The following PLCG2 variants were observed in gnomAD, a reference collection of about 807,000 sequenced individuals.
The protein encoded by PLCG2 is phospholipase C gamma 2, also known as 1-phosphatidylinositol 4,5-bisphosphate phosphodiesterase gamma-2.
PLCG2 carries 69 observed loss-of-function variants against 175.6 expected under a neutral mutation model. That is an observed-to-expected ratio of 0.39 (90% CI 0.32 to 0.48). The LOEUF is 0.48. PLCG2 is among the 20% of genes least tolerant of loss of function. The pLI is 0.91. For synonymous variants in PLCG2, 827 were observed against 624.0 expected, an observed-to-expected ratio of 1.33 and a Z score of -4.85; for missense variants, 1,798 against 1,650.9, an observed-to-expected ratio of 1.09 and a Z score of -1.54.
chr16:81,743,607 A>G (rs912884160), intron 1 of PLCG2, among the ~76,000 whole-genome samples: 1 of 152,176 alleles, frequency 6.6e-6, no homozygotes, highest in African/African-American at 2.4e-5. Context: ...AACCAGACTT[A>G]GGGCTTTTAT....
chr16:81,849,227 A>G (rs1270211090), intron 2 of PLCG2, among the ~76,000 whole-genome samples: 1 of 152,152 alleles, frequency 6.6e-6, no homozygotes, highest in Non-Finnish European at 1.5e-5. Context: ...GGGATAACGT[A>G]CTGCTTTAAG....
chr16:81,792,717 C>G (rs139768152), intron 2 of PLCG2, among the ~76,000 whole-genome samples: 1 of 152,070 alleles, frequency 6.6e-6, no homozygotes, highest in East Asian at 1.9e-4. Flanking sequence ...ACTATCAGCC[C>G]TCATGAGAAT....
chr16:81,743,578 T>C (rs755405143), intron 1 of PLCG2, among the ~76,000 whole-genome samples: 4 of 152,164 alleles, frequency 2.6e-5, no homozygotes, highest in Admixed American at 6.5e-5. Flanking sequence ...GGGCACCTCA[T>C]GCACCCTGAG....
In PLCG2 at chr16:81,961,067, A is replaced by G. The variant is rs1911761332; in HGVS notation, c.*3069A>G. On this transcript the variant is annotated 3_prime_UTR_variant, in exon 33 of 33. Coordinates refer to ENST00000564138, the MANE Select transcript of PLCG2 (RefSeq NM_002661.5). Reference sequence around the variant, plus strand: ...ATCAACAGGGCACAAATCTTTTTGCAAATGGATTTTCCAAGTTTTTCTGGT... The same window carrying G: ...ATCAACAGGGCACAAATCTTTTTGCGAATGGATTTTCCAAGTTTTTCTGGT... 4 of 231,484 alleles carry G rather than the reference A, an allele frequency of 1.7e-5. No homozygotes were observed. The South Asian group carries it at 7.3e-4, about 42-fold the overall frequency. 14.3% of individuals were successfully genotyped at this position (231,484 alleles called of 1,614,324 possible).
intron 30 of PLCG2, among the ~76,000 whole-genome samples, chr16:81,941,886 A>G (rs978527763): frequency 6.6e-6 from 1 of 152,066 alleles, no homozygotes; most frequent in African/African-American, 2.4e-5. Flanking sequence ...GGTCTGAAAA[A>G]AAGTGATGGG....
Position 81,947,303 on chromosome 16 carries a change from G to A in PLCG2, c.3570+1040G>A, listed in dbSNP as rs193213569. Among the ~76,000 whole-genome samples, 376 of 152,242 alleles carry A rather than the reference G, an allele frequency of 2.5e-3. 2 individuals are homozygous for A. The highest frequency in any genetic ancestry group is 3.9e-3 in the Non-Finnish European group (263 of 68,008). On this transcript the variant is annotated intron_variant, in intron 31 of 32. Coordinates refer to ENST00000564138, the MANE Select transcript of PLCG2 (RefSeq NM_002661.5). ...GTGGGGTTCTAAATGGAAAGTCGAC[G>A]CTCACAAATCTGCTTTCTGAAAGTT... is the stretch of plus-strand genomic sequence containing the variant.
intron 2 of PLCG2, among the ~76,000 whole-genome samples, chr16:81,798,039 C>A (rs996059155): frequency 6.6e-6 from 1 of 152,044 alleles, no homozygotes; most frequent in African/African-American, 2.4e-5. Context: ...CCATGTTGAC[C>A]AGGCTGGCCT....
intron 2 of PLCG2, among the ~76,000 whole-genome samples, chr16:81,828,538 G>A (rs11150415): frequency 0.35 from 53,511 of 151,932 alleles, 9,998 homozygotes; most frequent in African/African-American, 0.49. Flanking sequence ...GCACCCGGCC[G>A]AGAAGCGTCA....
At chr16:81,757,393 G>A (rs1296869977) in intron 2 of PLCG2, among the ~76,000 whole-genome samples, 2 of 151,972 alleles carry the variant, frequency 1.3e-5, no homozygotes, top group East Asian at 1.9e-4. Flanking sequence ...GTGAAACCCC[G>A]TCTCTACTAA....
At chr16:81,897,156 T>A (rs934997936) in intron 13 of PLCG2, among the ~76,000 whole-genome samples, 2 of 152,198 alleles carry the variant, frequency 1.3e-5, no homozygotes, top group Non-Finnish European at 2.9e-5. Context: ...GCAGGCCAGA[T>A]TTGGGGCAGA....
At chr16:81,916,587 T>G (rs565368643) in intron 19 of PLCG2, among the ~76,000 whole-genome samples, 3 of 125,886 alleles carry the variant, frequency 2.4e-5, no homozygotes, top group African/African-American at 5.2e-5. Context: ...ACCATTTTTT[T>G]TTTGTGTGTG....
chr16:81,831,147 C>G (rs1567487332), intron 2 of PLCG2, among the ~76,000 whole-genome samples: 1 of 152,172 alleles, frequency 6.6e-6, no homozygotes, highest in African/African-American at 2.4e-5. Context: ...CCATGCTTTG[C>G]TCTTCTTTGG....
At chr16:81,821,008 C>T (rs574739171) in intron 2 of PLCG2, among the ~76,000 whole-genome samples, 1 of 151,684 alleles carries the variant, frequency 6.6e-6, no homozygotes, top group Non-Finnish European at 1.5e-5. Flanking sequence ...CCGCCCACCT[C>T]AGCCTCCTGA....
chr16:81,922,580 G>T (rs1910103428), intron 21 of PLCG2, among the ~76,000 whole-genome samples: 1 of 152,172 alleles, frequency 6.6e-6, no homozygotes, highest in Non-Finnish European at 1.5e-5. Flanking sequence ...GGGAACTGAG[G>T]ATCAGAGAGA....
chr16:81,816,262 T>A (rs4889402), intron 2 of PLCG2, among the ~76,000 whole-genome samples: 11 of 152,058 alleles, frequency 7.2e-5, no homozygotes, highest in East Asian at 1.9e-4. Flanking sequence ...TCCCAGCTAC[T>A]TGGGAGGCAG....
chr16:81,908,639 C>G, intron 17 of PLCG2, 48 bp downstream of exon 17: 1 of 1,520,284 alleles, frequency 6.6e-7, no homozygotes, highest in Non-Finnish European at 8.9e-7. Flanking sequence ...CCATGCCAAC[C>G]GATGAGGCAG....
At chr16:81,862,424 C>G (rs1907028462) in intron 5 of PLCG2, among the ~76,000 whole-genome samples, 1 of 152,342 alleles carries the variant, frequency 6.6e-6, no homozygotes, top group Non-Finnish European at 1.5e-5. Flanking sequence ...GAGCTAGGTG[C>G]TCTCAGACAC....
Position 81,910,596 on chromosome 16 carries a change from A to C in PLCG2, c.1810A>C (p.Asn604His), listed in dbSNP as rs1044114273. Residue 604 changes from asparagine to histidine, a missense_variant, in exon 18 of 33, where the codon AAC becomes CAC. Physicochemically the swap from Asn to His is moderately conservative, Grantham distance 68. Coordinates refer to ENST00000564138, the MANE Select transcript of PLCG2 (RefSeq NM_002661.5). ...GGTLKYYLTD[N>H]LTFSSIYALI... ...GACCCTGAAATACTACTTGACTGAC[A>C]ACCTCACCTTCAGCAGCATCTATGC... The C allele has an allele frequency of 6.2e-7, 1 of 1,614,132 alleles. No individual in the cohort carries two copies. Among genetic ancestry groups the C allele is most frequent in the Non-Finnish European group, 8.5e-7 (1 of 1,180,002 alleles).
upstream of PLCG2, among the ~76,000 whole-genome samples, chr16:81,778,016 C>CAAAAAAA (rs753644088): frequency 7.7e-4 from 38 of 49,052 alleles, no homozygotes; most frequent in Admixed American, 1.1e-3. Flanking sequence ...GACTTTGTCT[C>CAAAAAAA]AAAAAAAAAA....
Sources: gnomAD v4.1 joint callset for allele counts (sites outside exome capture counted in the v4.1 genomes callset) on GRCh38, gnomAD v4.1.1 for gene constraint, MANE v1.5 for transcripts, NCBI Gene and HGNC (gene_info 2026-07-23, HGNC 2026-07-21) for gene names.